The following CNTNAP5 variants were observed in gnomAD, a reference collection of about 807,000 sequenced individuals.
CNTNAP5 encodes the protein contactin-associated protein-like 5.
CNTNAP5 carries 72 observed loss-of-function variants against 150.2 expected under a neutral mutation model. The observed-to-expected ratio is 0.48, with a 90% CI of 0.40 to 0.58. The LOEUF is 0.58. Ranked by LOEUF, CNTNAP5 falls within the 20% of genes least tolerant of loss-of-function variation. CNTNAP5 has a pLI of 0.00. For synonymous variants in CNTNAP5, 672 were observed against 619.8 expected (o/e 1.08, Z -1.25); for missense variants, 1,636 against 1,626.2 (o/e 1.01, Z -0.10).
intron 1 of CNTNAP5, among the ~76,000 whole-genome samples, chr2:124,142,042 A>G (rs1450315164): frequency 6.8e-6 from 1 of 147,876 alleles, no homozygotes; most frequent in Non-Finnish European, 1.5e-5. Context: ...AGAGACAAAG[A>G]AGGCCATTAC....
intron 19 of CNTNAP5, among the ~76,000 whole-genome samples, chr2:124,862,649 A>T (rs1192020184): frequency 1.3e-5 from 2 of 152,190 alleles, no homozygotes; most frequent in Admixed American, 1.3e-4. Flanking sequence ...AGAGGTGGAA[A>T]TGTCTCTTAG....
At chr2:124,054,862 A>G (rs755674940) in intron 1 of CNTNAP5, among the ~76,000 whole-genome samples, 6 of 152,146 alleles carry the variant, frequency 3.9e-5, no homozygotes, top group Middle Eastern at 3.2e-3. Flanking sequence ...ATTTTCAAAA[A>G]TTATTCCAGC....
At chr2:124,055,890 A>G (rs1466368673) in intron 1 of CNTNAP5, among the ~76,000 whole-genome samples, 1 of 151,918 alleles carries the variant, frequency 6.6e-6, no homozygotes, top group South Asian at 2.1e-4. Context: ...ACTTATTTCT[A>G]TCCTCAATTC....
chr2:124,878,376 A>G (rs1011840275), intron 21 of CNTNAP5, among the ~76,000 whole-genome samples: 2 of 152,100 alleles, frequency 1.3e-5, no homozygotes, highest in Admixed American at 1.3e-4. Flanking sequence ...TTATAATTCC[A>G]AAAATCTGGT....
intron 3 of CNTNAP5, among the ~76,000 whole-genome samples, chr2:124,323,123 T>A (rs1366327243): frequency 7.2e-5 from 11 of 152,168 alleles, no homozygotes; most frequent in Admixed American, 7.2e-4. Flanking sequence ...TTGGTAAGTT[T>A]ATGATGTTAT....
chr2:124,188,575 C>T (rs966571377), intron 1 of CNTNAP5, among the ~76,000 whole-genome samples: 16 of 151,604 alleles, frequency 1.1e-4, no homozygotes, highest in African/African-American at 3.4e-4. Context: ...AAAAATTAGC[C>T]GGGCGTGGTG....
At chr2:124,276,041 T>A (rs768152433) in intron 3 of CNTNAP5, among the ~76,000 whole-genome samples, 1 of 152,138 alleles carries the variant, frequency 6.6e-6, no homozygotes, top group Non-Finnish European at 1.5e-5. Flanking sequence ...TAATTTCAAG[T>A]ACTATGAGAT....
intron 12 of CNTNAP5, among the ~76,000 whole-genome samples, chr2:124,621,949 CT>C (rs369823416): frequency 0.012 from 1,805 of 151,558 alleles, 29 homozygotes; most frequent in African/African-American, 0.041. Flanking sequence ...ACTCTACTTT[CT>C]TTTTTTTTCT....
intron 8 of CNTNAP5, among the ~76,000 whole-genome samples, chr2:124,521,545 C>T (rs531644534): frequency 6.6e-5 from 10 of 152,158 alleles, no homozygotes; most frequent in Non-Finnish European, 1.3e-4. Flanking sequence ...AGGCCAGTGC[C>T]ATCTGTAACA....
intron 13 of CNTNAP5, among the ~76,000 whole-genome samples, chr2:124,742,880 T>A (rs1680526277): frequency 6.6e-6 from 1 of 152,070 alleles, no homozygotes; most frequent in Non-Finnish European, 1.5e-5. Context: ...GTTTTCTTAA[T>A]CTTGGCTGTT....
At chr2:124,907,746 A>G (rs1573704286) in intron 22 of CNTNAP5, among the ~76,000 whole-genome samples, 1 of 151,332 alleles carries the variant, frequency 6.6e-6, no homozygotes, top group South Asian at 2.1e-4. Context: ...TACTATTGAA[A>G]TAAATGAATA....
At chr2:124,242,447 C>T in intron 3 of CNTNAP5, 54 bp downstream of exon 3, 2 of 1,493,764 alleles carry the variant, frequency 1.3e-6, no homozygotes, top group Non-Finnish European at 1.8e-6. Context: ...TAATGGTAAC[C>T]AGAGTATATT....
chr2:124,281,014 T>C, intron 3 of CNTNAP5, among the ~76,000 whole-genome samples: 1 of 152,168 alleles, frequency 6.6e-6, no homozygotes, highest in Non-Finnish European at 1.5e-5. Context: ...AATTAGCTTT[T>C]AAACCAAAAA....
intron 19 of CNTNAP5, among the ~76,000 whole-genome samples, chr2:124,808,131 G>A (rs907231612): frequency 2.0e-5 from 3 of 152,172 alleles, no homozygotes; most frequent in African/African-American, 7.2e-5. Flanking sequence ...TGCTGTAGTG[G>A]AATAGCACAC....
chr2:124,730,517 T>C (rs1026367091), intron 13 of CNTNAP5, among the ~76,000 whole-genome samples: 19 of 152,056 alleles, frequency 1.2e-4, no homozygotes, highest in African/African-American at 4.6e-4. Context: ...CTCTACCTTT[T>C]ATGATGTGGA....
intron 1 of CNTNAP5, among the ~76,000 whole-genome samples, chr2:124,100,864 CAAAA>C (rs60441145): frequency 7.5e-4 from 66 of 88,038 alleles, no homozygotes; most frequent in Non-Finnish European, 1.3e-3. Flanking sequence ...GACTCTGTCT[CAAAA>C]AAAAAAAAAA....
At chr2:124,140,386 CCTGT>C (rs1368758731) in intron 1 of CNTNAP5, among the ~76,000 whole-genome samples, 2 of 149,930 alleles carry the variant, frequency 1.3e-5, no homozygotes, top group Non-Finnish European at 3.0e-5. Context: ...CTTAAGTGTC[CCTGT>C]CTGACAGCTT....
chr2:124,573,634 A>G (rs1696214115), intron 11 of CNTNAP5, among the ~76,000 whole-genome samples: 1 of 152,204 alleles, frequency 6.6e-6, no homozygotes, highest in Admixed American at 6.5e-5. Flanking sequence ...TTTTTAATGT[A>G]TTTCAATCAA....
rs35297517 is a variant in CNTNAP5, at chr2:124,600,189, G to GTT, written c.1757-9603_1757-9602dup. 1.6e-3 allele frequency among the ~76,000 whole-genome samples: 238 copies of GTT among 150,474 alleles called. 2 individuals are homozygous for GTT. Among genetic ancestry groups the GTT allele is most frequent in the Middle Eastern group, 6.8e-3 (2 of 292 alleles). On this transcript the variant is annotated intron_variant, in intron 11 of 23. Transcript: ENST00000682447. ...CACTCCTCATGAAGAATAGTAAATG[G>GTT]TTTTTTTTTTATTTTTATTTTTTAA... is the stretch of plus-strand genomic sequence containing the variant.
Sources: gnomAD v4.1 joint callset for allele counts (sites outside exome capture counted in the v4.1 genomes callset) on GRCh38, gnomAD v4.1.1 for gene constraint, MANE v1.5 for transcripts, NCBI Gene and HGNC (gene_info 2026-07-23, HGNC 2026-07-21) for gene names.